Variants in VPS13B observed in about 807,000 individuals in gnomAD.
The protein encoded by VPS13B is intermembrane lipid transfer protein VPS13B.
Under a neutral mutation model 426.4 loss-of-function variants are expected in VPS13B, and 285 were observed. That is an observed-to-expected ratio of 0.67 (90% CI 0.61 to 0.74). VPS13B has a LOEUF of 0.74. Ranked by LOEUF, VPS13B falls within the 30% of genes least tolerant of loss-of-function variation. The pLI, the probability that VPS13B is intolerant of heterozygous loss-of-function variation, is 0.00. For missense variants in VPS13B, 4,537 were observed against 4,782.6 expected (o/e 0.95, Z 1.51); for synonymous variants, 1,676 against 1,676.4 (o/e 1.00, Z 0.01).
intron 12 of VPS13B, 102 bp downstream of exon 12, chr8:99,136,854 G>A: frequency 9.0e-7 from 1 of 1,108,928 alleles, no homozygotes; most frequent in Non-Finnish European, 1.4e-6. Context: ...TGCTACATAA[G>A]ATTTATCTTC....
chr8:99,561,270 T>G (rs1439993945), intron 31 of VPS13B, among the ~76,000 whole-genome samples: 1 of 152,216 alleles, frequency 6.6e-6, no homozygotes, highest in African/African-American at 2.4e-5. Context: ...TGTATGAATT[T>G]ATGTATTCTG....
intron 2 of VPS13B, among the ~76,000 whole-genome samples, chr8:99,014,369 C>G (rs551235907): frequency 6.6e-6 from 1 of 152,022 alleles, no homozygotes; most frequent in East Asian, 1.9e-4. Context: ...CCGCCCGCCT[C>G]AGTCTTCCGA....
chr8:99,649,782 A>C (rs1019927825), intron 34 of VPS13B, among the ~76,000 whole-genome samples: 1 of 152,148 alleles, frequency 6.6e-6, no homozygotes, highest in African/African-American at 2.4e-5. Context: ...TTTCCAGACA[A>C]TATTCCTGTT....
intron 19 of VPS13B, among the ~76,000 whole-genome samples, chr8:99,360,164 T>TTCTCTCTC (rs1200763126): frequency 2.5e-5 from 1 of 39,588 alleles, no homozygotes; most frequent in African/African-American, 1.2e-4. Flanking sequence ...CTTTCTTTCT[T>TTCTCTCTC]TCTTTCTTTC....
chr8:99,753,132 T>A (rs190942220), intron 39 of VPS13B, among the ~76,000 whole-genome samples: 17 of 152,342 alleles, frequency 1.1e-4, no homozygotes, highest in Non-Finnish European at 2.2e-4. Context: ...TTGAATAATG[T>A]AAATCTTCAC....
intron 19 of VPS13B, among the ~76,000 whole-genome samples, chr8:99,330,839 C>G (rs1230193176): frequency 1.3e-5 from 2 of 151,470 alleles, no homozygotes; most frequent in African/African-American, 4.8e-5. Context: ...TTTTTCATAT[C>G]TAAAGCCATT....
At chr8:99,675,573 A>G (rs190288283) in intron 35 of VPS13B, among the ~76,000 whole-genome samples, 133 of 152,278 alleles carry the variant, frequency 8.7e-4, no homozygotes, top group African/African-American at 3.1e-3. Flanking sequence ...TCTCTTGAAT[A>G]CCAGTGACCA....
At chr8:99,198,210 A>G (rs1345238135) in intron 17 of VPS13B, among the ~76,000 whole-genome samples, 2 of 152,138 alleles carry the variant, frequency 1.3e-5, no homozygotes, top group African/African-American at 4.8e-5. Flanking sequence ...ACTCTACAGT[A>G]ACATCTTCCT....
At chr8:99,162,742 GA>G (rs745675124) in intron 15 of VPS13B, among the ~76,000 whole-genome samples, 1 of 152,174 alleles carries the variant, frequency 6.6e-6, no homozygotes, top group Non-Finnish European at 1.5e-5. Flanking sequence ...AAGCAGCGTG[GA>G]CCCAAAGAGT....
At chr8:99,333,895 G>C (rs1368437314) in intron 19 of VPS13B, among the ~76,000 whole-genome samples, 1 of 151,940 alleles carries the variant, frequency 6.6e-6, no homozygotes, top group Non-Finnish European at 1.5e-5. Context: ...GTGTATATCG[G>C]TAGTTTATTG....
At chr8:99,421,326 G>A (rs1021906307) in intron 21 of VPS13B, among the ~76,000 whole-genome samples, 19 of 152,146 alleles carry the variant, frequency 1.2e-4, no homozygotes, top group African/African-American at 3.9e-4. Context: ...ATGAGATTGC[G>A]ATGTTAAATT....
At chr8:99,047,884 C>T (rs1357687490) in intron 3 of VPS13B, among the ~76,000 whole-genome samples, 1 of 151,992 alleles carries the variant, frequency 6.6e-6, no homozygotes, top group African/African-American at 2.4e-5. Flanking sequence ...GACGTGGTTT[C>T]ATCATTTTTG....
chr8:99,390,167 G>A (rs528884068), intron 20 of VPS13B, among the ~76,000 whole-genome samples: 5 of 150,422 alleles, frequency 3.3e-5, no homozygotes, highest in East Asian at 3.9e-4. Context: ...GCATGATCTC[G>A]GCTCACTGCA....
Position 99,281,423 on chromosome 8 carries a change from T to C in VPS13B, c.2824+6169T>C, listed in dbSNP as rs138923872. Among the ~76,000 whole-genome samples the C allele has an allele frequency of 7.8e-3, 1,190 of 152,320 alleles. 16 individuals carry two copies. The highest frequency in any genetic ancestry group is 0.026 in the African/African-American group (1,092 of 41,568). On this transcript the variant is annotated intron_variant, in intron 19 of 61. Coordinates refer to ENST00000357162, the MANE Select transcript of VPS13B (RefSeq NM_152564.5). ...GACTGTCTATTCAGAGATGTTCTTA[T>C]AGTGAACAGCCTTGGAAGACAAGTA...
At chr8:99,649,110 G>A (rs1235706221) in intron 34 of VPS13B, among the ~76,000 whole-genome samples, 1 of 151,970 alleles carries the variant, frequency 6.6e-6, no homozygotes, top group Non-Finnish European at 1.5e-5. Flanking sequence ...TTCCATATTT[G>A]TAATGTGTTG....
At chr8:99,677,031 G>A (rs932493384) in intron 35 of VPS13B, among the ~76,000 whole-genome samples, 5 of 152,018 alleles carry the variant, frequency 3.3e-5, no homozygotes, top group Admixed American at 6.6e-5. Flanking sequence ...CAGAAGAATC[G>A]CTTGAACCCA....
intron 13 of VPS13B, among the ~76,000 whole-genome samples, chr8:99,145,071 G>T (rs1810637102): frequency 6.6e-6 from 1 of 152,146 alleles, no homozygotes; most frequent in African/African-American, 2.4e-5. Context: ...AATATACAGG[G>T]ATACAAACAG....
chr8:99,785,830 TAA>T (rs1211094853), intron 43 of VPS13B, among the ~76,000 whole-genome samples: 1 of 152,148 alleles, frequency 6.6e-6, no homozygotes, highest in African/African-American at 2.4e-5. Context: ...TTAGATCTTC[TAA>T]GTTTCCATTG....
intron 30 of VPS13B, among the ~76,000 whole-genome samples, chr8:99,544,818 T>C (rs1823875093): frequency 6.6e-6 from 1 of 152,198 alleles, no homozygotes; most frequent in South Asian, 2.1e-4. Context: ...ATAGGCCATA[T>C]TAGTAGCTAG....
Sources: gnomAD v4.1 joint callset for allele counts (sites outside exome capture counted in the v4.1 genomes callset) on GRCh38, gnomAD v4.1.1 for gene constraint, MANE v1.5 for transcripts, NCBI Gene and HGNC (gene_info 2026-07-23, HGNC 2026-07-21) for gene names.